The following PEX11A variants were observed in gnomAD, a reference collection of about 807,000 sequenced individuals.
PEX11A encodes peroxisomal biogenesis factor 11 alpha.
Under a neutral mutation model 14.4 loss-of-function variants are expected in PEX11A, and 13 were observed. The observed-to-expected ratio is 0.90, with a 90% CI of 0.59 to 1.43. The LOEUF is 1.43. Among genes scored for constraint, PEX11A ranks in the 40% most tolerant of loss-of-function variants. The pLI is 0.00. For synonymous variants in PEX11A, 101 were observed against 113.0 expected, an observed-to-expected ratio of 0.89 and a Z score of 0.67; for missense variants, 290 against 302.8, an observed-to-expected ratio of 0.96 and a Z score of 0.31.
At chr15:89,688,337 T>C (rs1964707954) in intron 1 of PEX11A, 6 of 281,964 alleles carry the variant, frequency 2.1e-5, no homozygotes, top group East Asian at 1.0e-4. Flanking sequence ...ATCAAGGAGG[T>C]TGGGAAATGA....
At position 89,683,086 on chromosome 15, in the gene PEX11A, T is replaced by G. The variant is rs1964621436; in HGVS notation, c.*291A>C. On this transcript the variant is annotated 3_prime_UTR_variant, in exon 3 of 3. Coordinates refer to ENST00000300056, the MANE Select transcript of PEX11A (RefSeq NM_003847.3). ...TTTTTTCCTTTCAATTTTTATTCAT[T>G]CAGCAAATACTAAGCTCCCACTATG... 2.8e-6 allele frequency: 1 copy of G among 362,024 alleles called. No homozygotes were observed. The highest frequency in any genetic ancestry group is 2.1e-5 in the African/African-American group (1 of 47,696). The allele number at this position is 362,024 out of a possible 1,614,324, so 22.4% of individuals were successfully genotyped here. A position where few individuals can be genotyped will look rare whatever the true frequency, so the allele number is the denominator to read the frequency against.
rs1002645503 is a variant in PEX11A, at chr15:89,685,545, C to T, written c.172+886G>A. Reference sequence around the variant, plus strand: ...GTTTTGTAGTTTGACAATGATCCTCCCATACAATGGTTTACTCAGTTCTGA... The same window carrying T: ...GTTTTGTAGTTTGACAATGATCCTCTCATACAATGGTTTACTCAGTTCTGA... On this transcript the variant is annotated intron_variant, in intron 2 of 2. Coordinates refer to ENST00000300056, the MANE Select transcript of PEX11A (RefSeq NM_003847.3). Among the ~76,000 whole-genome samples, 83 of 151,936 alleles carry T rather than the reference C, an allele frequency of 5.5e-4. 1 individual carries two copies. Among genetic ancestry groups the T allele is most frequent in the African/African-American group, 1.9e-3 (77 of 41,428 alleles).
Position 89,683,499 on chromosome 15 carries a change from G to C in PEX11A, c.622C>G (p.Pro208Ala), listed in dbSNP as rs779421990. 2.5e-6 allele frequency: 4 copies of C among 1,614,056 alleles called. No individual in the cohort carries two copies. Among genetic ancestry groups the C allele is most frequent in the African/African-American group, 2.7e-5 (2 of 75,028 alleles). The change falls in exon 3 of 3, where the codon CCT (proline) becomes GCT (alanine). Residue 208 changes from proline (P) to alanine (A), a missense_variant. By Grantham distance (27) the Pro-to-Ala change is conservative. Transcript: ENST00000300056. Reference protein sequence around the residue: ...TVKNLCDILNPLDQLGIYKSN... With the variant: ...TVKNLCDILNALDQLGIYKSN... ...TTATAGATCCCCAGCTGGTCCAAAG[G>C]GTTCAGGATATCACAAAGGTTCTTC...
At chr15:89,687,532 A>C (rs1567085583) in intron 1 of PEX11A, among the ~76,000 whole-genome samples, 4 of 152,240 alleles carry the variant, frequency 2.6e-5, no homozygotes. Flanking sequence ...ATATAAATGT[A>C]GGAGAAATTT....
rs781684137 is a variant in PEX11A, at chr15:89,683,704, C to G, written c.417G>C (p.Leu139=). The G allele has an allele frequency of 6.2e-7, 1 of 1,613,828 alleles. No individual in the cohort carries two copies. Among genetic ancestry groups the G allele is most frequent in the South Asian group, 1.1e-5 (1 of 91,086 alleles). Residue 139 remains leucine, a synonymous_variant, in exon 3 of 3, where the codon CTG becomes CTC. Transcript: ENST00000300056. ...GTTTCATCTGCAGGGAGATTTCATA[C>G]AGATCCCTGACCAGGCTCAGCAGAA... ...YSLLLSLVRD[L]YEISLQMKRV...
Position 89,682,895 on chromosome 15 carries a change from G to C in PEX11A, c.*482C>G. 6.3e-6 allele frequency: 1 copy of C among 159,012 alleles called. No individual in the cohort carries two copies. Among genetic ancestry groups the C allele is most frequent in the Non-Finnish European group, 1.4e-5 (1 of 72,456 alleles). The allele number at this position is 159,012 out of a possible 1,614,324, so 9.9% of individuals were successfully genotyped here. On this transcript the variant is annotated 3_prime_UTR_variant, in exon 3 of 3. Coordinates refer to ENST00000300056, the MANE Select transcript of PEX11A (RefSeq NM_003847.3). Reference sequence around the variant, plus strand: ...GGTATAAGGGCCAACAAGTTGAGAGGCTGTAAGCCCAGCTCTCCTCCATCC... The same window carrying C: ...GGTATAAGGGCCAACAAGTTGAGAGCCTGTAAGCCCAGCTCTCCTCCATCC...
chr15:89,689,471 A>C (rs1964755637), intron 1 of PEX11A, among the ~76,000 whole-genome samples: 1 of 152,228 alleles, frequency 6.6e-6, no homozygotes, highest in African/African-American at 2.4e-5. Flanking sequence ...AGAGCTGTTA[A>C]ATAAAACTGC....
chr15:89,681,625 G>C lies in PEX11A; in HGVS notation c.*1752C>G. ...GTTATTTAAGCTTTTTATTTTCCCTGACCTAGTAGCTTTCATGTCTCTTAA... is the reference window on the plus strand; with the variant it reads ...GTTATTTAAGCTTTTTATTTTCCCTCACCTAGTAGCTTTCATGTCTCTTAA... On this transcript the variant is annotated 3_prime_UTR_variant, in exon 3 of 3. Coordinates refer to ENST00000300056, the MANE Select transcript of PEX11A (RefSeq NM_003847.3). 1 of 633,062 alleles carries C rather than the reference G, an allele frequency of 1.6e-6. No individual in the cohort carries two copies. Among genetic ancestry groups the C allele is most frequent in the Non-Finnish European group, 2.9e-6 (1 of 350,672 alleles). 39.2% of individuals were successfully genotyped at this position (633,062 alleles called of 1,614,324 possible).
At chr15:89,684,009 A>G (rs1471379017) in intron 2 of PEX11A, 61 bp from the exon 3 acceptor site, 6 of 1,220,512 alleles carry the variant, frequency 4.9e-6, no homozygotes, top group Non-Finnish European at 7.0e-6. Flanking sequence ...GGAAGATAGA[A>G]TCCCTGTATC....
rs1964603851 is a variant in PEX11A, at chr15:89,681,768, G to A, written c.*1609C>T. 1.4e-5 allele frequency: 6 copies of A among 442,986 alleles called. No individual in the cohort carries two copies. The Admixed American group carries it at 1.5e-4, about 11-fold the overall frequency. 27.4% of individuals were successfully genotyped at this position (442,986 alleles called of 1,614,324 possible). A position where few individuals can be genotyped will look rare whatever the true frequency, so the allele number is the denominator to read the frequency against. ...ATTTCTGGGAAATGTGACTTATTGA[G>A]TACATATTTATTTTCTCATTTCCAT... On this transcript the variant is annotated 3_prime_UTR_variant, in exon 3 of 3. Transcript: ENST00000300056.
chr15:89,687,992 T>C (rs1596049960), intron 1 of PEX11A: 2 of 549,544 alleles, frequency 3.6e-6, no homozygotes, highest in South Asian at 2.8e-5. Flanking sequence ...AATGCTGGCA[T>C]CTTTTAATAG....
In PEX11A at chr15:89,683,514, A is replaced by G. The variant is rs939006678; in HGVS notation, c.607T>C (p.Cys203Arg). ...TGGTCCAAAGGGTTCAGGATATCAC[A>G]AAGGTTCTTCACTGTGTCCAGGAGC... Reference protein sequence around the residue: ...PLLLDTVKNLCDILNPLDQLG... With the variant: ...PLLLDTVKNLRDILNPLDQLG... The change falls in exon 3 of 3, where the codon TGT (cysteine) becomes CGT (arginine). Residue 203 changes from cysteine to arginine, a missense_variant. Transcript: ENST00000300056. The G allele has an allele frequency of 6.2e-7, 1 of 1,614,200 alleles. No individual in the cohort carries two copies. The highest frequency in any genetic ancestry group is 1.3e-5 in the African/African-American group (1 of 75,054).
rs1307432768 is a variant in PEX11A, at chr15:89,683,956, T to C, written c.173-8A>G. On this transcript the variant is annotated splice_polypyrimidine_tract_variant and splice_region_variant and intron_variant, in intron 2 of 2. Transcript: ENST00000300056. ...CATTGCCTAGTCTGAACCCTGCAAGTAGAACCCACAATAGTGAACAGTTAT... is the reference window on the plus strand; with the variant it reads ...CATTGCCTAGTCTGAACCCTGCAAGCAGAACCCACAATAGTGAACAGTTAT... 6.3e-7 allele frequency: 1 copy of C among 1,581,438 alleles called. No homozygotes were observed. The highest frequency in any genetic ancestry group is 2.2e-5 in the East Asian group (1 of 44,654).
chr15:89,686,588 C>A (rs1372314727), intron 1 of PEX11A, 42 bp from the exon 2 acceptor site: 1 of 866,626 alleles, frequency 1.2e-6, no homozygotes, highest in Non-Finnish European at 1.9e-6. Context: ...GATTTACAAA[C>A]CAAATAAAAC....
intron 1 of PEX11A, among the ~76,000 whole-genome samples, chr15:89,689,249 A>G (rs575847596): frequency 6.6e-6 from 1 of 152,244 alleles, no homozygotes; most frequent in South Asian, 2.1e-4. Context: ...TGTAGTACCT[A>G]TTAACCTCTT....
In PEX11A at chr15:89,683,637, G is replaced by A. The variant is rs940535504; in HGVS notation, c.484C>T (p.Gln162Ter). The change falls in exon 3 of 3, where the codon CAG (glutamine) becomes TAG (stop). Residue 162 changes from glutamine to a stop codon, truncating the protein, a stop_gained. Transcript: ENST00000300056. LOFTEE classifies it high-confidence loss of function. ...GCCACGCTGAACCAAAGAGGATCCT[G>A]GGATGCTGATTTCTCTTTCTTTGCC... ...DRAKKEKSAS[Q>*]DPLWFSVAEE... 5 of 1,613,998 alleles carry A rather than the reference G, an allele frequency of 3.1e-6. No homozygotes were observed. Among genetic ancestry groups the A allele is most frequent in the Non-Finnish European group, 4.2e-6 (5 of 1,179,994 alleles).
chr15:89,688,429 G>C (rs1237207426), intron 1 of PEX11A, among the ~76,000 whole-genome samples: 2 of 152,202 alleles, frequency 1.3e-5, no homozygotes, highest in East Asian at 3.8e-4. Context: ...GTCTCGCTCT[G>C]TTGCCCAGGC....
At chr15:89,688,922 G>A (rs1176350783) in intron 1 of PEX11A, among the ~76,000 whole-genome samples, 1 of 151,242 alleles carries the variant, frequency 6.6e-6, no homozygotes, top group Non-Finnish European at 1.5e-5. Context: ...CACCATGTTA[G>A]CCAGGATGGT....
intron 1 of PEX11A, among the ~76,000 whole-genome samples, chr15:89,688,405 T>A (rs1334403319): frequency 6.6e-6 from 1 of 152,112 alleles, no homozygotes; most frequent in Non-Finnish European, 1.5e-5. Context: ...ATTATTATTA[T>A]TTTTCGAGAC....
Sources: allele counts gnomAD v4.1 joint callset (sites outside exome capture counted in the v4.1 genomes callset), GRCh38; gene constraint gnomAD v4.1.1; transcripts MANE v1.5; gene names NCBI Gene and HGNC (gene_info 2026-07-23, HGNC 2026-07-21).